Variants in TBCE observed in about 807,000 individuals in gnomAD.
TBCE encodes the protein tubulin-specific chaperone E.
Under a neutral mutation model 77.0 loss-of-function variants are expected in TBCE, and 53 were observed. That is an observed-to-expected ratio of 0.69 (90% CI 0.55 to 0.87). The LOEUF (loss-of-function observed/expected upper bound fraction) is 0.87, where lower values mean the gene tolerates loss of function less well. TBCE is among the 40% of genes least tolerant of loss of function. The probability of loss-of-function intolerance (pLI) is 0.00; values close to 1 mark genes in which losing one functional copy is unlikely to be tolerated. For synonymous variants in TBCE, 235 were observed against 241.3 expected (o/e 0.97, Z 0.24); for missense variants, 624 against 622.4 (o/e 1.00, Z -0.03).
rs10159077 is a variant in TBCE, at chr1:235,398,311, A to G, written c.101-3192A>G. Among the ~76,000 whole-genome samples the G allele has an allele frequency of 8.4e-3, 1,267 of 151,700 alleles. 16 individuals are homozygous for G. The highest frequency in any genetic ancestry group is 0.03 in the African/African-American group (1,226 of 41,352). On this transcript the variant is annotated intron_variant, in intron 2 of 16. Transcript: ENST00000642610. Reference sequence around the variant, plus strand: ...CAGGCACCCGCCACCACGCCCGGCTAATTTTTCTATTTTTAGTAGAGATGG... The same window carrying G: ...CAGGCACCCGCCACCACGCCCGGCTGATTTTTCTATTTTTAGTAGAGATGG...
intron 2 of TBCE, among the ~76,000 whole-genome samples, chr1:235,386,867 G>C (rs1211487752): frequency 6.6e-6 from 1 of 152,208 alleles, no homozygotes; most frequent in Admixed American, 6.6e-5. Flanking sequence ...TGGAGGAGGA[G>C]AGGCGCTCTG....
intron 2 of TBCE, among the ~76,000 whole-genome samples, chr1:235,393,281 G>A (rs1448547055): frequency 2.0e-5 from 3 of 152,222 alleles, no homozygotes; most frequent in Admixed American, 6.5e-5. Context: ...GCTCACGCCT[G>A]TAATCCCAGC....
At chr1:235,419,230 T>G (rs1157921709) in intron 4 of TBCE, 3 of 600,936 alleles carry the variant, frequency 5.0e-6, no homozygotes, top group Non-Finnish European at 8.7e-6. Flanking sequence ...AAAGTTTACC[T>G]CTGGGAGTAG....
intron 7 of TBCE, chr1:235,433,090 G>A (rs749475453): frequency 4.5e-6 from 7 of 1,541,782 alleles, no homozygotes; most frequent in African/African-American, 2.7e-5. Context: ...GCGGATGAAC[G>A]TGGCCAAGGC....
At chr1:235,378,024 A>G (rs151085189) in intron 1 of TBCE, among the ~76,000 whole-genome samples, 1 of 152,190 alleles carries the variant, frequency 6.6e-6, no homozygotes, top group Non-Finnish European at 1.5e-5. Flanking sequence ...TCAGATATCT[A>G]TATACCAATG....
At chr1:235,397,879 C>G (rs1678837239) in intron 2 of TBCE, among the ~76,000 whole-genome samples, 1 of 152,158 alleles carries the variant, frequency 6.6e-6, no homozygotes, top group South Asian at 2.1e-4. Context: ...CACTCTCTTA[C>G]TCATACTGGT....
At chr1:235,375,529 A>G (rs1677242460) in intron 1 of TBCE, among the ~76,000 whole-genome samples, 1 of 152,106 alleles carries the variant, frequency 6.6e-6, no homozygotes, top group Admixed American at 6.6e-5. Context: ...TCCTAGCAAC[A>G]GGCAATAAGG....
At chr1:235,410,951 A>G (rs999138809) in intron 3 of TBCE, among the ~76,000 whole-genome samples, 2 of 152,258 alleles carry the variant, frequency 1.3e-5, no homozygotes, top group African/African-American at 4.8e-5. Flanking sequence ...GAAAACATTT[A>G]GTAAGCTTAT....
Position 235,448,766 on chromosome 1 carries a change from CCAACTAATAAAAT to C in TBCE, c.*5_*17del. Reference sequence around the variant, plus strand: ...TTGTCTATTAGTGCGATGGTGACAACCAACTAATAAAATTTAAAGACCACACTGCTTATCGTGT... The same window carrying C: ...TTGTCTATTAGTGCGATGGTGACAACTTAAAGACCACACTGCTTATCGTGT... On this transcript the variant is annotated 3_prime_UTR_variant, in exon 17 of 17. Transcript: ENST00000642610. 1 of 1,602,574 alleles carries C rather than the reference CCAACTAATAAAAT, an allele frequency of 6.2e-7. No individual in the cohort carries two copies. Among genetic ancestry groups the C allele is most frequent in the Non-Finnish European group, 8.5e-7 (1 of 1,169,898 alleles).
intron 13 of TBCE, chr1:235,440,920 T>C (rs1424111652): frequency 6.6e-6 from 1 of 152,258 alleles, no homozygotes; most frequent in Admixed American, 6.5e-5. Context: ...GATGACATTA[T>C]TACTCCACAT....
intron 13 of TBCE, among the ~76,000 whole-genome samples, chr1:235,440,064 G>T (rs570315018): frequency 6.6e-6 from 1 of 152,072 alleles, no homozygotes; most frequent in African/African-American, 2.4e-5. Flanking sequence ...TCCGCCTCCC[G>T]GGTTCACGCC....
chr1:235,448,765 A>T lies in TBCE; in HGVS notation c.*3A>T. 1 of 1,602,216 alleles carries T rather than the reference A, an allele frequency of 6.2e-7. No individual in the cohort carries two copies. ...ATTGTCTATTAGTGCGATGGTGACA[A>T]CCAACTAATAAAATTTAAAGACCAC... On this transcript the variant is annotated 3_prime_UTR_variant, in exon 17 of 17. Coordinates refer to ENST00000642610, the MANE Select transcript of TBCE (RefSeq NM_003193.5).
intron 2 of TBCE, among the ~76,000 whole-genome samples, chr1:235,380,904 G>C (rs1161788404): frequency 1.3e-5 from 2 of 152,116 alleles, no homozygotes; most frequent in Non-Finnish European, 2.9e-5. Flanking sequence ...TCCTGCCTCA[G>C]TCTCTCGAGT....
At chr1:235,412,430 A>G (rs917341737) in intron 3 of TBCE, among the ~76,000 whole-genome samples, 11 of 150,688 alleles carry the variant, frequency 7.3e-5, no homozygotes, top group African/African-American at 2.7e-4. Flanking sequence ...GGGTTTCACC[A>G]TGTTGACCAG....
chr1:235,423,460 C>T (rs908723140), intron 5 of TBCE, among the ~76,000 whole-genome samples: 2 of 152,176 alleles, frequency 1.3e-5, no homozygotes, highest in Admixed American at 6.5e-5. Flanking sequence ...TAAACCCTTC[C>T]TCAGCAGCCT....
intron 3 of TBCE, among the ~76,000 whole-genome samples, chr1:235,401,826 CTTTTT>C (rs11285286): frequency 2.3e-5 from 2 of 88,600 alleles, no homozygotes; most frequent in African/African-American, 4.9e-5. Flanking sequence ...TTTCTTCGTC[CTTTTT>C]TTTTTTTTTT....
intron 14 of TBCE, 29 bp from the exon 15 acceptor site, chr1:235,442,823 A>C (rs778291075): frequency 6.2e-7 from 1 of 1,606,500 alleles, no homozygotes; most frequent in Non-Finnish European, 8.5e-7. Context: ...GTAGATATCA[A>C]TTAGTCTTTT....
At chr1:235,372,404 C>A (rs965479670) in intron 1 of TBCE, among the ~76,000 whole-genome samples, 1 of 152,052 alleles carries the variant, frequency 6.6e-6, no homozygotes, top group Non-Finnish European at 1.5e-5. Context: ...AGAATTTTTC[C>A]CAAGGAAATA....
At chr1:235,414,702 G>A in intron 4 of TBCE, 84 bp downstream of exon 4, 2 of 1,368,066 alleles carry the variant, frequency 1.5e-6, no homozygotes, top group Non-Finnish European at 2.1e-6. Context: ...GTATATGGAT[G>A]CTCATGACTT....
Sources: allele counts gnomAD v4.1 joint callset (sites outside exome capture counted in the v4.1 genomes callset), GRCh38; gene constraint gnomAD v4.1.1; transcripts MANE v1.5; gene names NCBI Gene and HGNC (gene_info 2026-07-23, HGNC 2026-07-21).